The following SPOCK1 variants were observed in gnomAD, a reference collection of about 807,000 sequenced individuals.
SPOCK1 encodes the protein testican-1.
SPOCK1 carries 23 observed loss-of-function variants against 55.3 expected under a neutral mutation model. The observed-to-expected ratio is 0.42, with a 90% confidence interval of 0.30 to 0.59. The LOEUF (loss-of-function observed/expected upper bound fraction) is 0.59, where lower values mean the gene tolerates loss of function less well. Ranked by LOEUF, SPOCK1 falls within the 20% of genes least tolerant of loss-of-function variation. The probability of loss-of-function intolerance (pLI) is 0.22; values close to 1 mark genes in which losing one functional copy is unlikely to be tolerated. For missense variants in SPOCK1, 499 were observed against 552.5 expected, an observed-to-expected ratio of 0.90 and a Z score of 0.97; for synonymous variants, 226 against 221.0, an observed-to-expected ratio of 1.02 and a Z score of -0.20.
At chr5:137,140,271 C>A (rs558566145) in intron 4 of SPOCK1, among the ~76,000 whole-genome samples, 2 of 152,290 alleles carry the variant, frequency 1.3e-5, no homozygotes, top group East Asian at 3.9e-4. Context: ...TGGGTCGTGG[C>A]ATCACTCTGG....
At chr5:137,033,157 G>C (rs907689359) in intron 6 of SPOCK1, among the ~76,000 whole-genome samples, 2 of 152,150 alleles carry the variant, frequency 1.3e-5, no homozygotes, top group African/African-American at 4.8e-5. Flanking sequence ...GAACTCCCTC[G>C]TGGCGGCCGA....
intron 2 of SPOCK1, among the ~76,000 whole-genome samples, chr5:137,355,403 G>A (rs944299076): frequency 1.6e-4 from 25 of 152,018 alleles, no homozygotes; most frequent in African/African-American, 5.8e-4. Context: ...TACCCAAGCT[G>A]GTCTTGAACA....
chr5:137,184,715 C>T (rs967454101), intron 3 of SPOCK1, among the ~76,000 whole-genome samples: 1 of 152,148 alleles, frequency 6.6e-6, no homozygotes, highest in African/African-American at 2.4e-5. Flanking sequence ...CGGACTTCTT[C>T]ATGAGGATCA....
chr5:137,359,425 T>A (rs1449962933), intron 2 of SPOCK1, among the ~76,000 whole-genome samples: 1 of 152,222 alleles, frequency 6.6e-6, no homozygotes, highest in East Asian at 1.9e-4. Flanking sequence ...TTAACACATG[T>A]AAAGCATGTT....
chr5:137,067,912 T>C, intron 5 of SPOCK1, 83 bp from the exon 6 acceptor site: 2 of 1,141,316 alleles, frequency 1.8e-6, no homozygotes, highest in Non-Finnish European at 1.3e-6. Context: ...GCAGTGCCCT[T>C]TGCTTCACAA....
At chr5:137,097,054 A>G (rs1753162571) in intron 5 of SPOCK1, among the ~76,000 whole-genome samples, 1 of 152,224 alleles carries the variant, frequency 6.6e-6, no homozygotes, top group African/African-American at 2.4e-5. Context: ...ATGTCATGTT[A>G]TGTGCATAGT....
At chr5:137,438,955 T>G (rs574036112) in intron 2 of SPOCK1, among the ~76,000 whole-genome samples, 1 of 152,350 alleles carries the variant, frequency 6.6e-6, no homozygotes, top group Admixed American at 6.5e-5. Flanking sequence ...AACACGTGAC[T>G]TAAGAGGGTG....
intron 2 of SPOCK1, among the ~76,000 whole-genome samples, chr5:137,324,704 A>T (rs754647160): frequency 6.6e-6 from 1 of 152,226 alleles, no homozygotes; most frequent in Admixed American, 6.5e-5. Context: ...GCCATACAAC[A>T]ATATGCATAT....
chr5:136,993,334 A>C (rs1008434985), intron 6 of SPOCK1, among the ~76,000 whole-genome samples: 2 of 152,158 alleles, frequency 1.3e-5, no homozygotes, highest in African/African-American at 4.8e-5. Context: ...GGTCTTGTAG[A>C]GTGCTAAAAC....
chr5:137,196,356 C>T (rs1580802224), intron 3 of SPOCK1, among the ~76,000 whole-genome samples: 1 of 152,188 alleles, frequency 6.6e-6, no homozygotes, highest in Non-Finnish European at 1.5e-5. Context: ...GCCTGAAAAC[C>T]TTTCGGTGGG....
intron 3 of SPOCK1, among the ~76,000 whole-genome samples, chr5:137,146,441 C>T (rs776403065): frequency 2.6e-5 from 4 of 152,348 alleles, no homozygotes; most frequent in Middle Eastern, 6.8e-3. Context: ...CTTGTTGTCT[C>T]GCTGTTGCTT....
In SPOCK1 at chr5:137,329,362, T is replaced by TTA. The variant is rs1037650350; in HGVS notation, c.187-62309_187-62308dup. Among the ~76,000 whole-genome samples, 53 of 151,708 alleles carry TTA rather than the reference T, an allele frequency of 3.5e-4. No homozygotes were observed. The East Asian group carries it at 5.2e-3, about 15-fold the overall frequency. On this transcript the variant is annotated intron_variant, in intron 2 of 10. Coordinates refer to ENST00000394945, the MANE Select transcript of SPOCK1 (RefSeq NM_004598.4). ...AGCCACTTCCTTATAATAAATCTAT[T>TTA]TATATATATATACACCTATATATAC...
intron 2 of SPOCK1, among the ~76,000 whole-genome samples, chr5:137,475,876 A>G (rs1335884657): frequency 6.6e-6 from 1 of 152,064 alleles, no homozygotes; most frequent in African/African-American, 2.4e-5. Flanking sequence ...ACTCGGCCTA[A>G]AGGGTATTTG....
chr5:137,494,952 C>T (rs1044347239), intron 2 of SPOCK1, among the ~76,000 whole-genome samples: 1 of 152,212 alleles, frequency 6.6e-6, no homozygotes, highest in East Asian at 1.9e-4. Context: ...AAATGCATGT[C>T]AGCTAAAGAT....
At chr5:137,328,853 A>G (rs140641835) in intron 2 of SPOCK1, among the ~76,000 whole-genome samples, 2 of 152,296 alleles carry the variant, frequency 1.3e-5, no homozygotes, top group East Asian at 3.9e-4. Context: ...GGATCTTTTA[A>G]AAACTGTTTT....
At chr5:137,124,614 G>A (rs1753746373) in intron 4 of SPOCK1, among the ~76,000 whole-genome samples, 4 of 152,168 alleles carry the variant, frequency 2.6e-5, no homozygotes, top group Admixed American at 1.3e-4. Context: ...GGCCCTCATC[G>A]AGACAGTCAG....
intron 3 of SPOCK1, among the ~76,000 whole-genome samples, chr5:137,178,490 C>T (rs1295788510): frequency 2.6e-5 from 4 of 152,220 alleles, no homozygotes; most frequent in African/African-American, 9.6e-5. Flanking sequence ...TTTATCCACA[C>T]CTTGCTTTTA....
intron 2 of SPOCK1, among the ~76,000 whole-genome samples, chr5:137,450,369 G>A (rs1753229961): frequency 6.6e-6 from 1 of 152,144 alleles, no homozygotes; most frequent in African/African-American, 2.4e-5. Flanking sequence ...TCACCACTCT[G>A]TGGCATCCTG....
chr5:137,103,350 C>T (rs1035013097), intron 5 of SPOCK1, among the ~76,000 whole-genome samples: 6 of 152,214 alleles, frequency 3.9e-5, no homozygotes, highest in African/African-American at 7.2e-5. Context: ...GTAATAAAAA[C>T]GACATTCCCC....
Sources: allele counts gnomAD v4.1 joint callset (sites outside exome capture counted in the v4.1 genomes callset), GRCh38; gene constraint gnomAD v4.1.1; transcripts MANE v1.5; gene names NCBI Gene and HGNC (gene_info 2026-07-23, HGNC 2026-07-21).